Variants in CORT observed in about 807,000 individuals in gnomAD.
CORT encodes the protein cortistatin-14.
A neutral mutation model predicts 4.4 loss-of-function variants in CORT; 2 were observed. That is an observed-to-expected ratio of 0.46 (90% CI 0.19 to 1.44). The LOEUF is 1.44. Among genes scored for constraint, CORT ranks in the 40% most tolerant of loss-of-function variants. The probability of loss-of-function intolerance (pLI) is 0.26; values close to 1 mark genes in which losing one functional copy is unlikely to be tolerated. For synonymous variants in CORT, 72 were observed against 62.0 expected (o/e 1.16, Z -0.75); for missense variants, 158 against 140.2 (o/e 1.13, Z -0.64).
rs747883035 is a variant in CORT at position 10,450,067 on chromosome 1, G to T, written c.-157G>T. 1 of 1,549,736 alleles carries T rather than the reference G, an allele frequency of 6.5e-7. No homozygotes were observed. Among genetic ancestry groups the T allele is most frequent in the Non-Finnish European group, 8.7e-7 (1 of 1,145,138 alleles). On this transcript the variant is annotated 5_prime_UTR_variant, in exon 1 of 2. Transcript: ENST00000377049. ...AGGGAAGAGGGAAGAGGATCCAGGCGTTAGACATGTATAGACACAAAAACA... is the reference window on the plus strand; with the variant it reads ...AGGGAAGAGGGAAGAGGATCCAGGCTTTAGACATGTATAGACACAAAAACA...
At chr1:10,450,473 C>T (rs1226812588) in intron 1 of CORT, 151 bp downstream of exon 1, 23 of 888,578 alleles carry the variant, frequency 2.6e-5, no homozygotes, top group East Asian at 1.3e-4. Context: ...TTGGCTGGCC[C>T]GAGGTACTGG....
In CORT at chr1:10,451,494, G is replaced by T; in HGVS notation, c.217G>T (p.Val73Leu). The change falls in exon 2 of 2, where the codon GTG becomes TTG. Residue 73 changes from valine to leucine, a missense_variant. Physicochemically the swap from Val to Leu is conservative, Grantham distance 32. Coordinates refer to ENST00000377049, the MANE Select transcript of CORT (RefSeq NM_001302.5). ...CCTCATAGGAGAGGAAGCCCGGGAG[G>T]TGGCCAGGCGGCAGGAAGGCGCACC... ...GPLIGEEARE[V>L]ARRQEGAPPQ... is the part of the protein sequence containing the mutation. 5.6e-6 allele frequency: 9 copies of T among 1,614,110 alleles called. No individual in the cohort carries two copies. Among genetic ancestry groups the T allele is most frequent in the Non-Finnish European group, 7.6e-6 (9 of 1,180,016 alleles).
At position 10,451,730 on chromosome 1, in the gene CORT, T is replaced by C; in HGVS notation, c.*135T>C. The C allele has an allele frequency of 7.4e-7, 1 of 1,350,710 alleles. No homozygotes were observed. The highest frequency in any genetic ancestry group is 1.6e-5 in the South Asian group (1 of 62,362). 83.7% of individuals were successfully genotyped at this position (1,350,710 alleles called of 1,614,324 possible). ...TTATTTAAATTCCAATAATGCCCAA[T>C]ACTGACGTGTCTTGAGTAATTTGGA... On this transcript the variant is annotated 3_prime_UTR_variant, in exon 2 of 2. Transcript: ENST00000377049.
rs778182842 is a variant in CORT at position 10,451,408 on chromosome 1, G to C, written c.131G>C (p.Ser44Thr). The change falls in exon 2 of 2, where the codon AGC becomes ACC. Residue 44 changes from serine to threonine, a missense_variant. Transcript: ENST00000377049. ...CAGGAAGCGGCAGGAATAAGGAAAAGCAGCCTCCTGACTTTCCTCGCTTGG... is the reference window on the plus strand; with the variant it reads ...CAGGAAGCGGCAGGAATAAGGAAAACCAGCCTCCTGACTTTCCTCGCTTGG... ...HMQEAAGIRK[S>T]SLLTFLAWWF... is the part of the protein sequence containing the mutation. 6.2e-7 allele frequency: 1 copy of C among 1,612,834 alleles called. No individual in the cohort carries two copies. The highest frequency in any genetic ancestry group is 8.5e-7 in the Non-Finnish European group (1 of 1,179,290).
rs898511847 is a variant in CORT at position 10,450,074 on chromosome 1, A to T, written c.-150A>T. 6.3e-7 allele frequency: 1 copy of T among 1,582,710 alleles called. No homozygotes were observed. The highest frequency in any genetic ancestry group is 8.6e-7 in the Non-Finnish European group (1 of 1,163,796). ...AGGGAAGAGGATCCAGGCGTTAGAC[A>T]TGTATAGACACAAAAACAGCTGGAG... On this transcript the variant is annotated 5_prime_UTR_variant, in exon 1 of 2. An upstream start codon of the reference 5' UTR is lost. Transcript: ENST00000377049.
rs373837353 is a variant in CORT at position 10,451,390 on chromosome 1, C to T, written c.113C>T (p.Ala38Val). 1.5e-5 allele frequency: 24 copies of T among 1,609,000 alleles called. No homozygotes were observed. The highest frequency in any genetic ancestry group is 1.1e-4 in the East Asian group (5 of 44,772). ...TCTCTTTAAAAGCATATGCAGGAAG[C>T]GGCAGGAATAAGGAAAAGCAGCCTC... ...TGRDSEHMQE[A>V]AGIRKSSLLT... Residue 38 changes from alanine (A) to valine (V), a missense_variant, in exon 2 of 2, where the codon GCG (alanine) becomes GTG (valine). Transcript: ENST00000377049.
At chr1:10,451,338 T>A in intron 1 of CORT, 39 bp from the exon 2 acceptor site, 4 of 1,541,004 alleles carry the variant, frequency 2.6e-6, no homozygotes, top group Non-Finnish European at 3.5e-6. Flanking sequence ...GCCAGATTGC[T>A]GAGTTTTCTT....
rs972034168 is a variant in CORT at position 10,451,235 on chromosome 1, A to G, written c.100-142A>G. 16 of 1,119,756 alleles carry G rather than the reference A, an allele frequency of 1.4e-5. No individual in the cohort carries two copies. The African/African-American group carries it at 2.6e-4, about 18-fold the overall frequency. The allele number at this position is 1,119,756 out of a possible 1,614,324, so 69.4% of individuals were successfully genotyped here. A position where few individuals can be genotyped will look rare whatever the true frequency, so the allele number is the denominator to read the frequency against. ...CTATGGAGCATCTTTTCATTTTAAT[A>G]TTTTCTTTCTCTTTTCTCCAGGGTA... is the stretch of plus-strand genomic sequence containing the variant. On this transcript the variant is annotated intron_variant, in intron 1 of 1. Coordinates refer to ENST00000377049, the MANE Select transcript of CORT (RefSeq NM_001302.5).
rs1172416354 is a variant in CORT, at chr1:10,451,414, T to C, written c.137T>C (p.Leu46Pro). ...GCGGCAGGAATAAGGAAAAGCAGCC[T>C]CCTGACTTTCCTCGCTTGGTGGTTT... ...QEAAGIRKSS[L>P]LTFLAWWFEW... is the part of the protein sequence containing the mutation. Residue 46 changes from leucine (L) to proline (P), a missense_variant, in exon 2 of 2, where the codon CTC becomes CCC. Transcript: ENST00000377049. 2 of 1,613,488 alleles carry C rather than the reference T, an allele frequency of 1.2e-6. No homozygotes were observed. Among genetic ancestry groups the C allele is most frequent in the Admixed American group, 1.7e-5 (1 of 59,944 alleles).
At chr1:10,450,924 CCAT>C (rs1439135242) in intron 1 of CORT, among the ~76,000 whole-genome samples, 1 of 152,098 alleles carries the variant, frequency 6.6e-6, no homozygotes, top group African/African-American at 2.4e-5. Context: ...TGTTTCAGTC[CCAT>C]CGTCTCAGAA....
chr1:10,451,333 A>C (rs1211262640), intron 1 of CORT, 44 bp from the exon 2 acceptor site: 1 of 1,529,452 alleles, frequency 6.5e-7, no homozygotes, highest in Non-Finnish European at 8.8e-7. Flanking sequence ...CCTGAGCCAG[A>C]TTGCTGAGTT....
At chr1:10,450,702 A>G (rs1640758991) in intron 1 of CORT, among the ~76,000 whole-genome samples, 1 of 152,170 alleles carries the variant, frequency 6.6e-6, no homozygotes, top group East Asian at 1.9e-4. Context: ...AATTGGCATC[A>G]TTACATTTTC....
rs751279638 is a variant in CORT, at chr1:10,450,244, C to CCTG, written c.33_35dup (p.Leu12dup). On this transcript the variant is annotated inframe_insertion, in exon 1 of 2. Transcript: ENST00000377049. The stretch of plus-strand genomic sequence containing the variant: ...ACAAGATGCCATTGTCCCCCGGCCT[C>CCTG]CTGCTGCTGCTGCTCTCCGGGGCCA... 27 of 1,581,404 alleles carry CCTG rather than the reference C, an allele frequency of 1.7e-5. No homozygotes were observed. The highest frequency in any genetic ancestry group is 9.5e-5 in the African/African-American group (7 of 73,694).
At chr1:10,450,542 G>GA (rs1275892637) in intron 1 of CORT, among the ~76,000 whole-genome samples, 1 of 152,224 alleles carries the variant, frequency 6.6e-6, no homozygotes, top group Non-Finnish European at 1.5e-5. Context: ...AAGCCTGCTG[G>GA]AAACCTGTGC....
At position 10,450,067 on chromosome 1, in the gene CORT, G is replaced by C; in HGVS notation, c.-157G>C. 1.3e-6 allele frequency: 2 copies of C among 1,549,736 alleles called. No homozygotes were observed. Among genetic ancestry groups the C allele is most frequent in the Non-Finnish European group, 1.7e-6 (2 of 1,145,138 alleles). On this transcript the variant is annotated 5_prime_UTR_variant, in exon 1 of 2. Transcript: ENST00000377049. ...AGGGAAGAGGGAAGAGGATCCAGGC[G>C]TTAGACATGTATAGACACAAAAACA...
In CORT at chr1:10,451,524, C is replaced by CA; in HGVS notation, c.248dup (p.Gln84AlafsTer28). 1.2e-6 allele frequency: 2 copies of CA among 1,614,040 alleles called. No homozygotes were observed. The highest frequency in any genetic ancestry group is 1.7e-6 in the Non-Finnish European group (2 of 1,180,000). On this transcript the variant is annotated frameshift_variant, in exon 2 of 2. Coordinates refer to ENST00000377049, the MANE Select transcript of CORT (RefSeq NM_001302.5). LOFTEE classifies it high-confidence loss of function. Reference sequence around the variant, plus strand: ...CAGGCGGCAGGAAGGCGCACCCCCCCAGCAATCTGCGCGCCGGGACAGAAT... The same window carrying CA: ...CAGGCGGCAGGAAGGCGCACCCCCCCAAGCAATCTGCGCGCCGGGACAGAAT...
rs1477297454 is a variant in CORT, at chr1:10,451,782, ATTT to A, written c.*192_*194del. 9.5e-7 allele frequency: 1 copy of A among 1,055,450 alleles called. No individual in the cohort carries two copies. Among genetic ancestry groups the A allele is most frequent in the Non-Finnish European group, 1.3e-6 (1 of 770,804 alleles). 65.4% of individuals were successfully genotyped at this position (1,055,450 alleles called of 1,614,324 possible). A position where few individuals can be genotyped will look rare whatever the true frequency, so the allele number is the denominator to read the frequency against. ...CCCAAAGTGAAGATCTTTGATAAAGATTTTTTTGTGGTTCGACTGGACTGTGCT... is the reference window on the plus strand; with the variant it reads ...CCCAAAGTGAAGATCTTTGATAAAGATTTTGTGGTTCGACTGGACTGTGCT... On this transcript the variant is annotated 3_prime_UTR_variant, in exon 2 of 2. Transcript: ENST00000377049.
At position 10,450,143 on chromosome 1, in the gene CORT, G is replaced by C. The variant is rs1459839182; in HGVS notation, c.-81G>C. On this transcript the variant is annotated 5_prime_UTR_variant, in exon 1 of 2. Coordinates refer to ENST00000377049, the MANE Select transcript of CORT (RefSeq NM_001302.5). Reference sequence around the variant, plus strand: ...ACCAAGCTCCAAAGAAGAGACCCAAGTCCCCAAAACATTGATTTCAGGGCT... The same window carrying C: ...ACCAAGCTCCAAAGAAGAGACCCAACTCCCCAAAACATTGATTTCAGGGCT... 6.2e-7 allele frequency: 1 copy of C among 1,610,028 alleles called. No individual in the cohort carries two copies. Among genetic ancestry groups the C allele is most frequent in the East Asian group, 2.2e-5 (1 of 44,602 alleles).
Position 10,451,502 on chromosome 1 carries a change from G to A in CORT, c.225G>A (p.Arg75=), listed in dbSNP as rs1358523047. The change falls in exon 2 of 2, where the codon AGG becomes AGA. Residue 75 remains arginine (R), a synonymous_variant. Transcript: ENST00000377049. ...LIGEEAREVA[R]RQEGAPPQQS... is the part of the protein sequence containing the mutation. ...GAGAGGAAGCCCGGGAGGTGGCCAG[G>A]CGGCAGGAAGGCGCACCCCCCCAGC... 5 of 1,614,102 alleles carry A rather than the reference G, an allele frequency of 3.1e-6. No homozygotes were observed. Among genetic ancestry groups the A allele is most frequent in the Non-Finnish European group, 4.2e-6 (5 of 1,180,014 alleles).
Sources: gnomAD v4.1 joint callset for allele counts (sites outside exome capture counted in the v4.1 genomes callset) on GRCh38, gnomAD v4.1.1 for gene constraint, MANE v1.5 for transcripts, NCBI Gene and HGNC (gene_info 2026-07-23, HGNC 2026-07-21) for gene names.